Variants in SLC15A1 observed in about 807,000 individuals in gnomAD.
SLC15A1 encodes the protein Caco-2 oligopeptide transporter.
Under a neutral mutation model 92.9 loss-of-function variants are expected in SLC15A1, and 83 were observed. The ratio of observed to expected loss-of-function variants is 0.89; its 90% CI spans 0.75 to 1.07. The LOEUF is 1.07. Among genes scored for constraint, SLC15A1 ranks in the 50% least tolerant of loss-of-function variants. SLC15A1 has a pLI of 0.00. For synonymous variants in SLC15A1, 322 were observed against 318.2 expected (o/e 1.01, Z -0.13); for missense variants, 857 against 880.1 (o/e 0.97, Z 0.33).
intron 21 of SLC15A1, among the ~76,000 whole-genome samples, chr13:98,686,896 A>G (rs1238891068): frequency 6.6e-6 from 1 of 151,734 alleles, no homozygotes; most frequent in Non-Finnish European, 1.5e-5. Context: ...AACCTAGCTC[A>G]TTAGTCTAAC....
intron 7 of SLC15A1, among the ~76,000 whole-genome samples, chr13:98,719,677 A>G (rs1339861358): frequency 6.6e-6 from 1 of 152,226 alleles, no homozygotes; most frequent in African/African-American, 2.4e-5. Flanking sequence ...TGGAAAATCA[A>G]TACTATCTGT....
In SLC15A1 at chr13:98,684,501, T is replaced by G. The variant is rs1226345584; in HGVS notation, c.*223A>C. On this transcript the variant is annotated 3_prime_UTR_variant, in exon 23 of 23. Coordinates refer to ENST00000376503, the MANE Select transcript of SLC15A1 (RefSeq NM_005073.4). ...CGGAGGTTGCAGTGAGCTGAGATCGTGCCATTGCACTCCAGCCTGGACAAC... is the reference window on the plus strand; with the variant it reads ...CGGAGGTTGCAGTGAGCTGAGATCGGGCCATTGCACTCCAGCCTGGACAAC... 1 of 348,400 alleles carries G rather than the reference T, an allele frequency of 2.9e-6. No individual in the cohort carries two copies. The highest frequency in any genetic ancestry group is 2.5e-5 in the African/African-American group (1 of 40,280). 21.6% of individuals were successfully genotyped at this position (348,400 alleles called of 1,614,324 possible). A position where few individuals can be genotyped will look rare whatever the true frequency, so the allele number is the denominator to read the frequency against.
At chr13:98,702,654 T>G in intron 17 of SLC15A1, 125 bp from the exon 18 acceptor site, 1 of 792,466 alleles carries the variant, frequency 1.3e-6, no homozygotes, top group Non-Finnish European at 2.1e-6. Context: ...AGGACATGGT[T>G]ACATTAGAAG....
chr13:98,730,642 C>A (rs1196562491), intron 1 of SLC15A1, among the ~76,000 whole-genome samples: 1 of 152,252 alleles, frequency 6.6e-6, no homozygotes, highest in Non-Finnish European at 1.5e-5. Flanking sequence ...GTCCTGCGAA[C>A]CCCACAGCCC....
At chr13:98,737,182 T>C (rs1217737121) in intron 1 of SLC15A1, among the ~76,000 whole-genome samples, 4 of 152,368 alleles carry the variant, frequency 2.6e-5, no homozygotes, top group African/African-American at 7.2e-5. Context: ...GATGAGTTCA[T>C]GTTCTTTGTA....
chr13:98,718,324 TTTTTTTTTTTTTTGA>T (rs1199004749), intron 8 of SLC15A1, among the ~76,000 whole-genome samples: 2 of 75,772 alleles, frequency 2.6e-5, no homozygotes, highest in Non-Finnish European at 7.1e-5. Context: ...TTTTTTTTTT[TTTTTTTTTTTTTTGA>T]GACAGGGTCT....
chr13:98,698,040 C>A (rs2088037402), intron 18 of SLC15A1, among the ~76,000 whole-genome samples: 1 of 152,028 alleles, frequency 6.6e-6, no homozygotes, highest in Admixed American at 6.6e-5. Context: ...TAACAAGAGG[C>A]CAACTAGGTT....
chr13:98,736,796 C>A (rs1011874781), intron 1 of SLC15A1, among the ~76,000 whole-genome samples: 2 of 152,128 alleles, frequency 1.3e-5, no homozygotes, highest in African/African-American at 4.8e-5. Context: ...CAATGAGATA[C>A]CACCTCACAC....
At chr13:98,694,471 A>G (rs529062847) in intron 18 of SLC15A1, among the ~76,000 whole-genome samples, 1 of 152,314 alleles carries the variant, frequency 6.6e-6, no homozygotes, top group East Asian at 1.9e-4. Flanking sequence ...CAGTTTATAT[A>G]TATAATTTAT....
chr13:98,701,667 A>ATTT (rs34078820), intron 18 of SLC15A1, among the ~76,000 whole-genome samples: 33 of 115,546 alleles, frequency 2.9e-4, no homozygotes, highest in East Asian at 4.5e-4. Flanking sequence ...TACTCAGCTA[A>ATTT]TTTTTTTTTT....
chr13:98,684,651 A>C lies in SLC15A1; in HGVS notation c.*73T>G. 1 of 1,188,150 alleles carries C rather than the reference A, an allele frequency of 8.4e-7. No homozygotes were observed. Among genetic ancestry groups the C allele is most frequent in the Non-Finnish European group, 1.2e-6 (1 of 812,370 alleles). 73.6% of individuals were successfully genotyped at this position (1,188,150 alleles called of 1,614,324 possible). A position where few individuals can be genotyped will look rare whatever the true frequency, so the allele number is the denominator to read the frequency against. ...TTCCTCATCAGGGGCCATCCAATGG[A>C]GTGTCCTGCTACCTGGGGGCAGAGG... On this transcript the variant is annotated 3_prime_UTR_variant, in exon 23 of 23. Coordinates refer to ENST00000376503, the MANE Select transcript of SLC15A1 (RefSeq NM_005073.4).
intron 10 of SLC15A1, among the ~76,000 whole-genome samples, chr13:98,712,281 A>C (rs1164353978): frequency 2.0e-5 from 3 of 152,232 alleles, no homozygotes; most frequent in Non-Finnish European, 2.9e-5. Flanking sequence ...GATTATACCA[A>C]ATGAAAAACT....
chr13:98,725,997 C>A, intron 4 of SLC15A1, 126 bp downstream of exon 4: 2 of 1,252,558 alleles, frequency 1.6e-6, no homozygotes, highest in South Asian at 1.5e-5. Flanking sequence ...TGAACCATAC[C>A]ACACCTGGCC....
Position 98,686,189 on chromosome 13 carries a change from C to T in SLC15A1, c.1935+1G>A. On this transcript the variant is annotated splice_donor_variant, in intron 22 of 22. Transcript: ENST00000376503. LOFTEE classifies it high-confidence loss of function. ...GTGCAATCTCCTCTCCCACGCCATA[C>T]CTGTTTGCTGAACTGGCCTGCCCCT... 6.2e-7 allele frequency: 1 copy of T among 1,610,656 alleles called. No individual in the cohort carries two copies.
intron 1 of SLC15A1, among the ~76,000 whole-genome samples, chr13:98,736,373 A>G (rs2139604950): frequency 6.6e-6 from 1 of 152,360 alleles, no homozygotes; most frequent in Non-Finnish European, 1.5e-5. Context: ...TGTTAGACCT[A>G]AAACCATAAA....
chr13:98,702,988 AAAAAAG>A (rs2088081419), intron 17 of SLC15A1, among the ~76,000 whole-genome samples: 1 of 147,038 alleles, frequency 6.8e-6, no homozygotes, highest in Admixed American at 7.0e-5. Flanking sequence ...AAAAAAAAAA[AAAAAAG>A]AAAAGAAAAA....
intron 7 of SLC15A1, chr13:98,720,799 C>T: frequency 3.5e-6 from 1 of 288,654 alleles, no homozygotes; most frequent in Non-Finnish European, 6.8e-6. Context: ...ACCTGTAATC[C>T]CAGCACTTTG....
chr13:98,747,176 C>A (rs2088499947), intron 1 of SLC15A1, among the ~76,000 whole-genome samples: 1 of 152,172 alleles, frequency 6.6e-6, no homozygotes, highest in South Asian at 2.1e-4. Context: ...GGTGTTGCAA[C>A]CCCGGGATGA....
At chr13:98,738,479 A>T (rs376544688) in intron 1 of SLC15A1, among the ~76,000 whole-genome samples, 1 of 152,278 alleles carries the variant, frequency 6.6e-6, no homozygotes, top group African/African-American at 2.4e-5. Context: ...CCACAGCCCT[A>T]TGCAGCCTCA....
Sources: gnomAD v4.1 joint callset for allele counts (sites outside exome capture counted in the v4.1 genomes callset) on GRCh38, gnomAD v4.1.1 for gene constraint, MANE v1.5 for transcripts, NCBI Gene and HGNC (gene_info 2026-07-23, HGNC 2026-07-21) for gene names.